The following SDK1 variants were observed in gnomAD, a reference collection of about 807,000 sequenced individuals.
SDK1 encodes the protein sidekick cell adhesion molecule 1.
Under a neutral mutation model 245.5 loss-of-function variants are expected in SDK1, and 157 were observed. That is an observed-to-expected ratio of 0.64 (90% confidence interval 0.56 to 0.73). The LOEUF (loss-of-function observed/expected upper bound fraction) is 0.73. Ranked by LOEUF, SDK1 falls within the 30% of genes least tolerant of loss-of-function variation. The pLI is 0.00. For synonymous variants in SDK1, 1,647 were observed against 1,278.5 expected, an observed-to-expected ratio of 1.29 and a Z score of -6.15; for missense variants, 3,583 against 3,002.3, an observed-to-expected ratio of 1.19 and a Z score of -4.52.
intron 1 of SDK1, among the ~76,000 whole-genome samples, chr7:3,431,453 A>G (rs971937274): frequency 4.0e-5 from 6 of 151,312 alleles, no homozygotes; most frequent in African/African-American, 9.7e-5. Flanking sequence ...CTCTGAAAAC[A>G]TATGCATTGG....
intron 44 of SDK1, among the ~76,000 whole-genome samples, chr7:4,248,888 T>C (rs887618495): frequency 1.4e-5 from 2 of 145,778 alleles, no homozygotes; most frequent in Non-Finnish European, 2.9e-5. Flanking sequence ...TAAATACAAG[T>C]ACAAGCACAC....
chr7:3,704,755 T>C (rs1237151293), intron 4 of SDK1, among the ~76,000 whole-genome samples: 1 of 152,176 alleles, frequency 6.6e-6, no homozygotes, highest in South Asian at 2.1e-4. Flanking sequence ...CAGTCATGAA[T>C]TCTTTTCCTA....
At chr7:3,622,891 A>G (rs1781987265) in intron 2 of SDK1, among the ~76,000 whole-genome samples, 1 of 152,080 alleles carries the variant, frequency 6.6e-6, no homozygotes, top group Admixed American at 6.5e-5. Flanking sequence ...AATCTATCAT[A>G]GCTTGCTTTT....
intron 2 of SDK1, among the ~76,000 whole-genome samples, chr7:3,637,103 G>GTA (rs201548644): frequency 0.07 from 10,639 of 151,276 alleles, 742 homozygotes; most frequent in East Asian, 0.35. Flanking sequence ...GTGTGTGTGT[G>GTA]TGTGTGTGTT....
chr7:3,694,587 A>G (rs1320993030), intron 4 of SDK1, among the ~76,000 whole-genome samples: 5 of 151,448 alleles, frequency 3.3e-5, no homozygotes, highest in East Asian at 3.9e-4. Flanking sequence ...TGGGGGGGGA[A>G]AAGCATATGA....
chr7:4,022,949 G>A (rs1391438094), intron 17 of SDK1, among the ~76,000 whole-genome samples: 1 of 151,486 alleles, frequency 6.6e-6, no homozygotes, highest in Admixed American at 6.6e-5. Flanking sequence ...AATTTTTTTT[G>A]TATTTTATTA....
At chr7:4,259,123 C>T (rs1439859184) in intron 44 of SDK1, among the ~76,000 whole-genome samples, 1 of 152,062 alleles carries the variant, frequency 6.6e-6, no homozygotes, top group Non-Finnish European at 1.5e-5. Context: ...ACCTCAAGGC[C>T]CCTAGAAAAC....
At chr7:3,752,118 G>A (rs1364965009) in intron 4 of SDK1, among the ~76,000 whole-genome samples, 1 of 152,178 alleles carries the variant, frequency 6.6e-6, no homozygotes, top group Non-Finnish European at 1.5e-5. Flanking sequence ...ATTATTGAAC[G>A]TATATTGCAC....
At chr7:3,309,524 A>ATGT (rs1554256119) in intron 1 of SDK1, among the ~76,000 whole-genome samples, 1 of 127,318 alleles carries the variant, frequency 7.9e-6, no homozygotes, top group African/African-American at 2.8e-5. Flanking sequence ...CTAGAAAAAG[A>ATGT]TTTTTTTTTT....
In SDK1 at chr7:3,615,550, A is replaced by G. The variant is rs758126164; in HGVS notation, c.299-3530A>G. 1.3e-4 allele frequency among the ~76,000 whole-genome samples: 19 copies of G among 151,860 alleles called. 2 individuals are homozygous for G. Among genetic ancestry groups the G allele is most frequent in the Middle Eastern group, 3.4e-3 (1 of 294 alleles). On this transcript the variant is annotated intron_variant, in intron 1 of 44. Coordinates refer to ENST00000404826, the MANE Select transcript of SDK1 (RefSeq NM_152744.4). The stretch of plus-strand genomic sequence containing the variant: ...ATCAGACCTAGATTATAAGCGCTTA[A>G]GGGACAGCGACTGTGTCTTACACTT...
At chr7:3,484,157 G>A (rs1781604314) in intron 1 of SDK1, among the ~76,000 whole-genome samples, 1 of 152,130 alleles carries the variant, frequency 6.6e-6, no homozygotes, top group African/African-American at 2.4e-5. Context: ...CAAAATCGAA[G>A]CATGCTCCAG....
rs750749503 is a variant in SDK1, at chr7:3,967,375, C to A, written c.1487C>A (p.Thr496Lys). ...GACACCACAGTTACTGACGGGATGA[C>A]AGCCATTCTAAGGTGTGAGGTGTCC... ...PVDTTVTDGM[T>K]AILRCEVSGA... Residue 496 changes from threonine to lysine, a missense_variant, in exon 10 of 45, where the codon ACA becomes AAA. Transcript: ENST00000404826. The A allele has an allele frequency of 1.9e-6, 3 of 1,614,064 alleles. No homozygotes were observed. In the East Asian group the frequency reaches 6.7e-5, roughly 36 times the overall value.
At chr7:4,259,091 G>C (rs535999159) in intron 44 of SDK1, among the ~76,000 whole-genome samples, 1 of 152,018 alleles carries the variant, frequency 6.6e-6, no homozygotes, top group East Asian at 1.9e-4. Flanking sequence ...TTTAGTTTAC[G>C]CAGAGCTTAA....
At chr7:3,497,058 G>A (rs1165215459) in intron 1 of SDK1, among the ~76,000 whole-genome samples, 3 of 152,074 alleles carry the variant, frequency 2.0e-5, no homozygotes, top group Non-Finnish European at 2.9e-5. Context: ...TAATAAATAC[G>A]TGACAGTTAA....
Position 4,074,856 on chromosome 7 carries a change from T to TACTTTCTCTC in SDK1, c.3011-2142_3011-2141insACTTTCTCTC, listed in dbSNP as rs1486926440. ...CCAGCCTGGGCAACAGAGCAAGACT[T>TACTTTCTCTC]TCTCTCTCTCTCTCTCTCTCTCTCT... On this transcript the variant is annotated intron_variant, in intron 20 of 44. Transcript: ENST00000404826. Among the ~76,000 whole-genome samples, 468 of 72,066 alleles carry TACTTTCTCTC rather than the reference T, an allele frequency of 6.5e-3. 37 individuals carry two copies. Among genetic ancestry groups the TACTTTCTCTC allele is most frequent in the Middle Eastern group, 0.033 (4 of 120 alleles). 47.3% of individuals were successfully genotyped at this position (72,066 alleles called of 152,430 possible).
chr7:3,327,793 A>G (rs1337247851), intron 1 of SDK1, among the ~76,000 whole-genome samples: 1 of 152,156 alleles, frequency 6.6e-6, no homozygotes, highest in Non-Finnish European at 1.5e-5. Flanking sequence ...GTGTTTGATT[A>G]CGGTATGCTT....
At chr7:3,687,211 C>T (rs561725787) in intron 4 of SDK1, among the ~76,000 whole-genome samples, 4 of 148,062 alleles carry the variant, frequency 2.7e-5, no homozygotes, top group East Asian at 2.0e-4. Flanking sequence ...CTCTCTCTGT[C>T]GCCAGGCTGG....
At chr7:3,436,087 T>G (rs1780014173) in intron 1 of SDK1, among the ~76,000 whole-genome samples, 1 of 152,180 alleles carries the variant, frequency 6.6e-6, no homozygotes, top group South Asian at 2.1e-4. Context: ...CAAAATAGGT[T>G]GTTTTATTTT....
chr7:3,675,816 G>T (rs886284127), intron 4 of SDK1, among the ~76,000 whole-genome samples: 2 of 151,968 alleles, frequency 1.3e-5, no homozygotes, highest in African/African-American at 4.8e-5. Context: ...GGTATGCCAT[G>T]CCCCGTATGT....
Sources: gnomAD v4.1 joint callset for allele counts (sites outside exome capture counted in the v4.1 genomes callset) on GRCh38, gnomAD v4.1.1 for gene constraint, MANE v1.5 for transcripts, NCBI Gene and HGNC (gene_info 2026-07-23, HGNC 2026-07-21) for gene names.